The following ENO4 variants were observed in gnomAD, a reference collection of about 807,000 sequenced individuals.
ENO4 encodes 2-phospho-D-glycerate hydro-lyase.
Under a neutral mutation model 63.2 loss-of-function variants are expected in ENO4, and 53 were observed. The observed-to-expected ratio is 0.84, with a 90% CI of 0.67 to 1.05. The LOEUF is 1.05. ENO4 is among the 50% of genes least tolerant of loss of function. The pLI is 0.00. For synonymous variants in ENO4, 266 were observed against 283.8 expected (o/e 0.94, Z 0.63); for missense variants, 719 against 772.0 (o/e 0.93, Z 0.81).
intron 10 of ENO4, chr10:116,906,826 A>C: frequency 8.6e-7 from 1 of 1,157,260 alleles, no homozygotes; most frequent in Non-Finnish European, 1.2e-6. Flanking sequence ...TCAAACCATG[A>C]AAACATTACC....
chr10:116,866,473 G>A (rs567360449), intron 7 of ENO4, among the ~76,000 whole-genome samples: 15 of 152,264 alleles, frequency 9.9e-5, no homozygotes, highest in African/African-American at 3.1e-4. Flanking sequence ...GAGCTGCCAC[G>A]GTGAGCCTCT....
At chr10:116,908,488 C>A (rs1352079725) in intron 10 of ENO4, among the ~76,000 whole-genome samples, 2 of 152,108 alleles carry the variant, frequency 1.3e-5, no homozygotes, top group African/African-American at 4.8e-5. Context: ...AGTACTACAA[C>A]AACTATTCCC....
intron 8 of ENO4, among the ~76,000 whole-genome samples, chr10:116,870,136 A>G (rs1336523374): frequency 1.3e-5 from 2 of 152,154 alleles, no homozygotes; most frequent in African/African-American, 2.4e-5. Context: ...TCAAAACAGA[A>G]TATTCATTCC....
intron 10 of ENO4, among the ~76,000 whole-genome samples, chr10:116,892,889 G>A (rs1847381537): frequency 6.6e-6 from 1 of 152,090 alleles, no homozygotes. Flanking sequence ...ATTGAAAAAT[G>A]GCTAAGAAAA....
chr10:116,858,361 A>T (rs1015849965), intron 3 of ENO4, among the ~76,000 whole-genome samples: 3 of 152,196 alleles, frequency 2.0e-5, no homozygotes, highest in Admixed American at 2.0e-4. Context: ...CTCTGTTGAA[A>T]TCAATTTCTC....
intron 10 of ENO4, among the ~76,000 whole-genome samples, chr10:116,888,216 A>C (rs1589773868): frequency 1.3e-5 from 2 of 152,352 alleles, no homozygotes; most frequent in East Asian, 3.9e-4. Context: ...GACATTGTCC[A>C]TCTACCTTGG....
At chr10:116,862,958 A>T in intron 7 of ENO4, 106 bp downstream of exon 7, 1 of 821,624 alleles carries the variant, frequency 1.2e-6, no homozygotes, top group South Asian at 1.6e-5. Flanking sequence ...GATATGGAGA[A>T]TGTATTTATT....
At chr10:116,863,530 G>GT (rs1262181488) in intron 7 of ENO4, among the ~76,000 whole-genome samples, 1 of 152,174 alleles carries the variant, frequency 6.6e-6, no homozygotes, top group African/African-American at 2.4e-5. Flanking sequence ...AATTTCACTG[G>GT]TTTTTCCACT....
At chr10:116,870,657 G>C (rs1324142917) in intron 8 of ENO4, among the ~76,000 whole-genome samples, 2 of 151,512 alleles carry the variant, frequency 1.3e-5, no homozygotes, top group Non-Finnish European at 2.9e-5. Context: ...ATAAATAAAT[G>C]AAACTTCTCC....
chr10:116,868,476 G>A, intron 7 of ENO4, 174 bp from the exon 8 acceptor site: 1 of 710,426 alleles, frequency 1.4e-6, no homozygotes, highest in Admixed American at 2.0e-5. Flanking sequence ...GGCATATAAA[G>A]TAGGGAGTGG....
At chr10:116,893,371 G>A (rs1847400493) in intron 10 of ENO4, among the ~76,000 whole-genome samples, 1 of 152,100 alleles carries the variant, frequency 6.6e-6, no homozygotes, top group East Asian at 1.9e-4. Flanking sequence ...GAACAGAGCT[G>A]TTTCCTGCAG....
chr10:116,881,725 C>G lies in ENO4; in HGVS notation c.*56C>G. 4 of 1,316,080 alleles carry G rather than the reference C, an allele frequency of 3.0e-6. No homozygotes were observed. The highest frequency in any genetic ancestry group is 3.0e-6 in the Non-Finnish European group (3 of 1,016,784). 81.5% of individuals were successfully genotyped at this position (1,316,080 alleles called of 1,614,324 possible). ...CATCAGTATTAGTAGACCGGGAGGT[C>G]TGAAGTACGGCGCCGTGTCTCCACA... On this transcript the variant is annotated 3_prime_UTR_variant, in exon 14 of 14. Coordinates refer to ENST00000341276, the MANE Select transcript of ENO4 (RefSeq NM_001242699.2).
At chr10:116,907,764 C>G in intron 10 of ENO4, 1 of 440,122 alleles carries the variant, frequency 2.3e-6, no homozygotes, top group Middle Eastern at 3.4e-4. Flanking sequence ...GATCAGAGGA[C>G]ATAAGAACCT....
intron 11 of ENO4, among the ~76,000 whole-genome samples, chr10:116,876,788 A>G (rs1846845744): frequency 6.6e-6 from 1 of 152,018 alleles, no homozygotes; most frequent in Non-Finnish European, 1.5e-5. Context: ...CATCTCTAGT[A>G]AAAATACAAA....
chr10:116,880,121 G>A (rs1160105990), intron 13 of ENO4, 135 bp downstream of exon 13: 1 of 601,364 alleles, frequency 1.7e-6, no homozygotes, highest in African/African-American at 1.9e-5. Context: ...ACAAAACTAG[G>A]ATGGCACTTG....
At chr10:116,907,465 T>A (rs1848016436) in intron 10 of ENO4, among the ~76,000 whole-genome samples, 1 of 152,184 alleles carries the variant, frequency 6.6e-6, no homozygotes, top group Admixed American at 6.5e-5. Flanking sequence ...CTGCTGAAAC[T>A]GATACTGGCT....
At position 116,866,230 on chromosome 10, in the gene ENO4, C is replaced by T. The variant is rs114059575; in HGVS notation, c.991-2420C>T. On this transcript the variant is annotated intron_variant, in intron 7 of 13. Coordinates refer to ENST00000341276, the MANE Select transcript of ENO4 (RefSeq NM_001242699.2). ...AGGGATCACATTTCTGTTGACTTTC[C>T]ATGTGGTGTTACACGTTTGGAAGCT... Among the ~76,000 whole-genome samples, 553 of 152,270 alleles carry T rather than the reference C, an allele frequency of 3.6e-3. 2 individuals are homozygous for T. Among genetic ancestry groups the T allele is most frequent in the African/African-American group, 0.013 (530 of 41,550 alleles).
At chr10:116,873,783 C>A (rs994992876) in intron 9 of ENO4, 18 of 777,284 alleles carry the variant, frequency 2.3e-5, no homozygotes, top group Non-Finnish European at 2.8e-5. Context: ...CCAAGTCTAA[C>A]AGATTATTCC....
At chr10:116,890,296 T>C (rs1847298122) in intron 10 of ENO4, among the ~76,000 whole-genome samples, 1 of 152,238 alleles carries the variant, frequency 6.6e-6, no homozygotes, top group Admixed American at 6.5e-5. Flanking sequence ...ACTTAAATTT[T>C]ACAAGTATCA....
Sources: gnomAD v4.1 joint callset for allele counts (sites outside exome capture counted in the v4.1 genomes callset) on GRCh38, gnomAD v4.1.1 for gene constraint, MANE v1.5 for transcripts, NCBI Gene and HGNC (gene_info 2026-07-23, HGNC 2026-07-21) for gene names.